The following CD22 variants were observed in gnomAD, a reference collection of about 807,000 sequenced individuals.
CD22 encodes B-cell receptor CD22.
CD22 carries 51 observed loss-of-function variants against 94.7 expected under a neutral mutation model. The ratio of observed to expected loss-of-function variants is 0.54; its 90% CI spans 0.43 to 0.68. The LOEUF (loss-of-function observed/expected upper bound fraction) is 0.68. Ranked by LOEUF, CD22 falls within the 30% of genes least tolerant of loss-of-function variation. The probability of loss-of-function intolerance (pLI) is 0.00; values close to 1 mark genes in which losing one functional copy is unlikely to be tolerated. For synonymous variants in CD22, 424 were observed against 422.5 expected, an observed-to-expected ratio of 1.00 and a Z score of -0.04; for missense variants, 931 against 1,060.4, an observed-to-expected ratio of 0.88 and a Z score of 1.69.
chr19:35,340,730 A>G, intron 6 of CD22, 151 bp from the exon 7 acceptor site: 1 of 824,978 alleles, frequency 1.2e-6, no homozygotes, highest in Non-Finnish European at 1.9e-6. Flanking sequence ...CTGTTCTCAC[A>G]CAGATGCAGG....
At chr19:35,338,865 G>A (rs1256623938) in intron 6 of CD22, among the ~76,000 whole-genome samples, 2 of 151,766 alleles carry the variant, frequency 1.3e-5, no homozygotes, top group African/African-American at 2.4e-5. Flanking sequence ...TCCTGACCTC[G>A]TGATCCACCC....
At chr19:35,333,415 A>G (rs1300887535) in intron 3 of CD22, among the ~76,000 whole-genome samples, 1 of 152,124 alleles carries the variant, frequency 6.6e-6, no homozygotes, top group East Asian at 1.9e-4. Context: ...CGGAGTAACC[A>G]CACTCCCTAG....
intron 3 of CD22, among the ~76,000 whole-genome samples, chr19:35,333,490 G>C (rs2066675234): frequency 6.6e-6 from 1 of 152,174 alleles, no homozygotes; most frequent in African/African-American, 2.4e-5. Context: ...TGCCATAACT[G>C]AGCCTGTGTT....
Position 35,341,557 on chromosome 19 carries a change from C to A in CD22, c.1722C>A (p.Asn574Lys). Residue 574 changes from asparagine to lysine, a missense_variant, in exon 8 of 14, where the codon AAC (asparagine) becomes AAA (lysine). Transcript: ENST00000085219. The surrounding 1 kb of genome is among the most constrained non-coding windows in gnomAD (Gnocchi z 4.0). Reference sequence around the variant, plus strand: ...CTGGGAGTTACAGCTGCTGGGTGAACAACTCCATAGGACAGACAGCGTCCA... The same window carrying A: ...CTGGGAGTTACAGCTGCTGGGTGAAAAACTCCATAGGACAGACAGCGTCCA... ...EDAGSYSCWV[N>K]NSIGQTASKA... 6.2e-7 allele frequency: 1 copy of A among 1,614,108 alleles called. No homozygotes were observed. The highest frequency in any genetic ancestry group is 8.5e-7 in the Non-Finnish European group (1 of 1,180,034).
At chr19:35,345,377 C>G in intron 11 of CD22, 1 of 535,508 alleles carries the variant, frequency 1.9e-6, no homozygotes, top group Non-Finnish European at 3.3e-6. Context: ...GCCAAGATTG[C>G]GCCATTGCAC....
rs1599696185 is a variant in CD22, at chr19:35,346,223, C to T, written c.2400C>T (p.His800=). Residue 800 remains histidine, a synonymous_variant, in exon 13 of 14, where the codon CAC becomes CAT. Coordinates refer to ENST00000085219, the MANE Select transcript of CD22 (RefSeq NM_001771.4). ...CDDTVTYSAL[H]KRQVGDYENV... ...ACACGGTCACTTATTCAGCATTGCACAAGCGCCAAGTGGTAAGGAGGGTCT... is the reference window on the plus strand; with the variant it reads ...ACACGGTCACTTATTCAGCATTGCATAAGCGCCAAGTGGTAAGGAGGGTCT... 2 of 1,613,794 alleles carry T rather than the reference C, an allele frequency of 1.2e-6. No homozygotes were observed. Among genetic ancestry groups the T allele is most frequent in the Middle Eastern group, 1.6e-4 (1 of 6,062 alleles).
rs2066812709 is a variant in CD22 at position 35,341,729 on chromosome 19, T to C, written c.1799T>C (p.Met600Thr). 2 of 1,610,908 alleles carry C rather than the reference T, an allele frequency of 1.2e-6. No individual in the cohort carries two copies. Among genetic ancestry groups the C allele is most frequent in the Non-Finnish European group, 1.7e-6 (2 of 1,179,946 alleles). The change falls in exon 9 of 14, where the codon ATG (methionine) becomes ACG (threonine). Residue 600 changes from methionine to threonine, a missense_variant. Met to Thr is a moderately conservative substitution (Grantham distance 81). Transcript: ENST00000085219. The surrounding 1 kb of genome is among the most constrained non-coding windows in gnomAD (Gnocchi z 4.0). ...GCACCCAGGAGGCTGCGTGTGTCCA[T>C]GAGCCCGGGGGACCAAGTGATGGAG... Reference protein sequence around the residue: ...LYAPRRLRVSMSPGDQVMEGK... With the variant: ...LYAPRRLRVSTSPGDQVMEGK...
chr19:35,346,749 C>G lies in CD22; in HGVS notation c.*52C>G. 1 of 1,522,336 alleles carries G rather than the reference C, an allele frequency of 6.6e-7. No homozygotes were observed. The allele number at this position is 1,522,336 out of a possible 1,614,324, so 94.3% of individuals were successfully genotyped here. A position where few individuals can be genotyped will look rare whatever the true frequency, so the allele number is the denominator to read the frequency against. ...TGGGGGCAGCGGGGGCCAGGGAAGT[C>G]CCCGAGTTTCCCCAGACACCGCCAC... is the stretch of plus-strand genomic sequence containing the variant. On this transcript the variant is annotated 3_prime_UTR_variant, in exon 14 of 14. Coordinates refer to ENST00000085219, the MANE Select transcript of CD22 (RefSeq NM_001771.4).
intron 6 of CD22, 44 bp downstream of exon 6, chr19:35,338,475 C>G: frequency 6.3e-7 from 1 of 1,582,058 alleles, no homozygotes; most frequent in Non-Finnish European, 8.6e-7. Flanking sequence ...AGAAGATGGA[C>G]ACAGGGAACG....
rs1451552252 is a variant in CD22, at chr19:35,341,897, C to G, written c.1967C>G (p.Ala656Gly). 8.7e-6 allele frequency: 14 copies of G among 1,614,040 alleles called. No individual in the cohort carries two copies. Among genetic ancestry groups the G allele is most frequent in the Non-Finnish European group, 1.1e-5 (13 of 1,180,000 alleles). Residue 656 changes from alanine to glycine, a missense_variant, in exon 9 of 14, where the codon GCC (alanine) becomes GGC (glycine). By Grantham distance (60) the Ala-to-Gly change is moderately conservative. Transcript: ENST00000085219. The surrounding 1 kb of genome is among the most constrained non-coding windows in gnomAD (Gnocchi z 4.0). ...CCGGTGAAGGTCCAGCACTCGGGTGCCTACTGGTGCCAGGGGACCAACAGT... is the reference window on the plus strand; with the variant it reads ...CCGGTGAAGGTCCAGCACTCGGGTGGCTACTGGTGCCAGGGGACCAACAGT... ...LEPVKVQHSG[A>G]YWCQGTNSVG...
chr19:35,331,893 A>G (rs2066650275), intron 1 of CD22, 126 bp from the exon 2 acceptor site: 4 of 1,553,362 alleles, frequency 2.6e-6, no homozygotes, highest in East Asian at 2.3e-5. Context: ...CCACATCCCC[A>G]TAATGCAACC....
chr19:35,332,311 T>C (rs1599671904), intron 2 of CD22: 2 of 642,962 alleles, frequency 3.1e-6, no homozygotes, highest in Non-Finnish European at 2.6e-6. Context: ...GGGAATTCTT[T>C]AGTCTTTAGA....
At chr19:35,338,524 G>C in intron 6 of CD22, 93 bp downstream of exon 6, 1 of 1,370,250 alleles carries the variant, frequency 7.3e-7, no homozygotes, top group Non-Finnish European at 1.0e-6. Flanking sequence ...CGGGGTCCTG[G>C]AGTCAAGAGC....
Position 35,337,802 on chromosome 19 carries a change from A to AG in CD22, c.769dup (p.Glu257GlyfsTer58). ...GGTCACTCCCAGTGATGCCATAGTG[A>AG]GGGAGGGGGACTCTGTGACCATGAC... On this transcript the variant is annotated frameshift_variant, in exon 5 of 14. Transcript: ENST00000085219. LOFTEE classifies it high-confidence loss of function. This position sits in a 1 kb window ranked among gnomAD's most constrained non-coding sequence, Gnocchi z 4.4. 6.2e-7 allele frequency: 1 copy of AG among 1,611,128 alleles called. No homozygotes were observed. Among genetic ancestry groups the AG allele is most frequent in the Non-Finnish European group, 8.5e-7 (1 of 1,177,676 alleles).
At chr19:35,343,935 G>C (rs895460584) in intron 9 of CD22, among the ~76,000 whole-genome samples, 5 of 152,026 alleles carry the variant, frequency 3.3e-5, no homozygotes, top group African/African-American at 1.2e-4. Flanking sequence ...AGGCCAAAGT[G>C]GGTGGCCACA....
At position 35,332,903 on chromosome 19, in the gene CD22, C is replaced by G; in HGVS notation, c.391C>G (p.Arg131Gly). Reference protein sequence around the residue: ...MESKTEKWMERIHLNVSERPF... With the variant: ...MESKTEKWMEGIHLNVSERPF... ...GTCCAAGACTGAGAAATGGATGGAACGAATACACCTCAATGTCTCTGGTAA... is the reference window on the plus strand; with the variant it reads ...GTCCAAGACTGAGAAATGGATGGAAGGAATACACCTCAATGTCTCTGGTAA... The change falls in exon 3 of 14, where the codon CGA becomes GGA. Residue 131 changes from arginine (R) to glycine (G), a missense_variant. Arg to Gly is a moderately radical substitution (Grantham distance 125). Coordinates refer to ENST00000085219, the MANE Select transcript of CD22 (RefSeq NM_001771.4). 6.2e-7 allele frequency: 1 copy of G among 1,614,044 alleles called. No individual in the cohort carries two copies. The highest frequency in any genetic ancestry group is 8.5e-7 in the Non-Finnish European group (1 of 1,179,942).
chr19:35,331,749 AG>A (rs1468190922), intron 1 of CD22: 9 of 411,526 alleles, frequency 2.2e-5, no homozygotes, highest in Non-Finnish European at 3.7e-5. Flanking sequence ...TGGGGGGCTG[AG>A]GCCAGAGAAA....
intron 9 of CD22, chr19:35,344,607 CTG>C: frequency 1.9e-6 from 1 of 535,228 alleles, no homozygotes; most frequent in South Asian, 2.5e-5. Flanking sequence ...CGTGCCACGT[CTG>C]TGGGAAAAGC....
chr19:35,345,997 C>T (rs114413476), intron 12 of CD22, among the ~76,000 whole-genome samples, 154 bp from the exon 13 acceptor site: 285 of 152,330 alleles, frequency 1.9e-3, no homozygotes, highest in African/African-American at 6.5e-3. Context: ...CACATTTGCA[C>T]GAGCTCCTAC....
Sources: gnomAD v4.1 joint callset for allele counts (sites outside exome capture counted in the v4.1 genomes callset) on GRCh38, gnomAD v4.1.1 for gene constraint, Gnocchi (gnomAD v3.1) non-coding constraint, MANE v1.5 for transcripts, NCBI Gene and HGNC (gene_info 2026-07-23, HGNC 2026-07-21) for gene names.